The following LINGO2 variants were observed in gnomAD, a reference collection of about 807,000 sequenced individuals.
The protein encoded by LINGO2 is leucine-rich repeat and immunoglobulin-like domain-containing nogo receptor-interacting protein 2.
In LINGO2, 14 loss-of-function variants were observed where a neutral mutation model predicts 30.6. That is an observed-to-expected ratio of 0.46 (90% CI 0.30 to 0.72). The LOEUF is 0.72. LINGO2 is among the 30% of genes least tolerant of loss of function. LINGO2 has a pLI of 0.07. For missense variants in LINGO2, 729 were observed against 751.7 expected (o/e 0.97, Z 0.35); for synonymous variants, 317 against 288.5 (o/e 1.10, Z -1.00).
At chr9:28,167,012 C>T (rs1206824980) in intron 4 of LINGO2, among the ~76,000 whole-genome samples, 3 of 152,052 alleles carry the variant, frequency 2.0e-5, no homozygotes, top group Non-Finnish European at 4.4e-5. Flanking sequence ...AATTTTTAAG[C>T]ATACTAGTTC....
At chr9:28,437,540 C>T (rs987514831) in intron 2 of LINGO2, among the ~76,000 whole-genome samples, 2 of 96,142 alleles carry the variant, frequency 2.1e-5, no homozygotes, top group Non-Finnish European at 4.0e-5. Context: ...GACACATATA[C>T]ACACAGACGC....
chr9:29,059,815 G>C, the LINGO2 span, among the ~76,000 whole-genome samples: 1 of 151,964 alleles, frequency 6.6e-6, no homozygotes, highest in Non-Finnish European at 1.5e-5. Flanking sequence ...AAATGTCGTA[G>C]GCAGGGCACA....
At chr9:28,150,141 C>T (rs1242347903) in intron 4 of LINGO2, among the ~76,000 whole-genome samples, 1 of 148,324 alleles carries the variant, frequency 6.7e-6, no homozygotes, top group Non-Finnish European at 1.5e-5. Flanking sequence ...AGGAGCACCT[C>T]TGCCTGGCCC....
At chr9:28,327,179 T>G (rs1825260658) in intron 3 of LINGO2, among the ~76,000 whole-genome samples, 1 of 152,150 alleles carries the variant, frequency 6.6e-6, no homozygotes, top group Admixed American at 6.5e-5. Flanking sequence ...ACACTCATTC[T>G]GCTGCTGCCT....
chr9:28,080,054 G>T (rs1825731182), intron 4 of LINGO2, among the ~76,000 whole-genome samples: 1 of 152,154 alleles, frequency 6.6e-6, no homozygotes, highest in South Asian at 2.1e-4. Flanking sequence ...AACCCAGTCT[G>T]TCCCTTTCCA....
the LINGO2 span, among the ~76,000 whole-genome samples, chr9:28,989,636 G>T: frequency 6.6e-6 from 1 of 152,020 alleles, no homozygotes; most frequent in Non-Finnish European, 1.5e-5. Context: ...TTATTATATA[G>T]ATCATATGTT....
intron 5 of LINGO2, among the ~76,000 whole-genome samples, chr9:27,956,809 C>A (rs1819593617): frequency 6.6e-6 from 1 of 152,098 alleles, no homozygotes; most frequent in Admixed American, 6.6e-5. Flanking sequence ...ACTTTCCTTT[C>A]TGGCCAGATA....
At chr9:28,992,330 T>C in the LINGO2 span, among the ~76,000 whole-genome samples, 6 of 152,156 alleles carry the variant, frequency 3.9e-5, no homozygotes, top group African/African-American at 7.2e-5. Context: ...CCTAAATATA[T>C]ATGCACCCAA....
chr9:28,281,675 G>GA (rs1473943692), intron 4 of LINGO2, among the ~76,000 whole-genome samples: 1 of 152,002 alleles, frequency 6.6e-6, no homozygotes, highest in Non-Finnish European at 1.5e-5. Flanking sequence ...TAGAGATGTG[G>GA]ATAGCAGCTC....
intron 4 of LINGO2, among the ~76,000 whole-genome samples, chr9:28,089,888 A>G (rs1161238347): frequency 6.6e-6 from 1 of 152,238 alleles, no homozygotes; most frequent in African/African-American, 2.4e-5. Flanking sequence ...GGATATCACC[A>G]TCGATCCCAC....
intron 1 of LINGO2, among the ~76,000 whole-genome samples, chr9:28,588,880 C>T (rs1362813095): frequency 6.6e-6 from 1 of 152,030 alleles, no homozygotes; most frequent in Non-Finnish European, 1.5e-5. Context: ...CTTCCTTCTA[C>T]CAGAAAGCCT....
chr9:28,205,671 G>T lies in LINGO2; in HGVS notation c.-87+89537C>A, dbSNP rs552857954. Among the ~76,000 whole-genome samples the T allele has an allele frequency of 5.9e-5, 9 of 152,206 alleles. 1 individual carries two copies. The South Asian group carries it at 1.9e-3, about 32-fold the overall frequency. ...GGCAGTATTTATCCAGATCTGACCAGGTAGAAAATCATTCATTTCGGTGAC... is the reference window on the plus strand; with the variant it reads ...GGCAGTATTTATCCAGATCTGACCATGTAGAAAATCATTCATTTCGGTGAC... On this transcript the variant is annotated intron_variant, in intron 4 of 5. Coordinates refer to ENST00000379992, the Ensembl canonical transcript of LINGO2.
the LINGO2 span, among the ~76,000 whole-genome samples, chr9:28,973,932 CAATA>C: frequency 6.6e-6 from 1 of 152,086 alleles, no homozygotes; most frequent in Non-Finnish European, 1.5e-5. Flanking sequence ...CATTAATGAG[CAATA>C]AATAATTACC....
In LINGO2 at chr9:28,381,722, G is replaced by A. The variant is rs537036921; in HGVS notation, c.-278-8854C>T. Reference sequence around the variant, plus strand: ...CCTTAACCAATTTTGTCTGATGGAAGTGTTTAGCTTGGAGAAAGGTGGTCT... The same window carrying A: ...CCTTAACCAATTTTGTCTGATGGAAATGTTTAGCTTGGAGAAAGGTGGTCT... On this transcript the variant is annotated intron_variant, in intron 2 of 5. Coordinates refer to ENST00000379992, the Ensembl canonical transcript of LINGO2. Among the ~76,000 whole-genome samples the A allele has an allele frequency of 1.4e-4, 22 of 152,176 alleles. No homozygotes were observed. In the East Asian group the frequency reaches 4.1e-3, roughly 28 times the overall value.
chr9:29,203,699 T>C, the LINGO2 span, among the ~76,000 whole-genome samples: 1 of 152,314 alleles, frequency 6.6e-6, no homozygotes, highest in Non-Finnish European at 1.5e-5. Flanking sequence ...GACATCTATC[T>C]TCTGAAGCGT....
chr9:28,813,040 A>G, the LINGO2 span, among the ~76,000 whole-genome samples: 2 of 149,592 alleles, frequency 1.3e-5, no homozygotes, highest in Non-Finnish European at 3.0e-5. Context: ...ATACTGAGGC[A>G]GGCTTTGGAA....
the LINGO2 span, among the ~76,000 whole-genome samples, chr9:28,899,484 G>A: frequency 1.8e-4 from 28 of 152,238 alleles, no homozygotes; most frequent in African/African-American, 6.7e-4. Context: ...CACAGCACCA[G>A]GCTGACCCCA....
intron 4 of LINGO2, among the ~76,000 whole-genome samples, chr9:28,110,545 A>G (rs551969941): frequency 4.1e-4 from 63 of 152,176 alleles, no homozygotes; most frequent in Non-Finnish European, 6.8e-4. Context: ...AAACAAATTT[A>G]CAAGAAAATA....
the LINGO2 span, among the ~76,000 whole-genome samples, chr9:29,160,401 GATCA>G: frequency 6.6e-6 from 1 of 152,168 alleles, no homozygotes; most frequent in African/African-American, 2.4e-5. Context: ...TTGGTTTACT[GATCA>G]ATTAAAGGGG....
Sources: gnomAD v4.1 joint callset for allele counts (sites outside exome capture counted in the v4.1 genomes callset) on GRCh38, gnomAD v4.1.1 for gene constraint, MANE v1.5 for transcripts, NCBI Gene and HGNC (gene_info 2026-07-23, HGNC 2026-07-21) for gene names.